The following KLHL20 variants were observed in gnomAD, a reference collection of about 807,000 sequenced individuals.
KLHL20 encodes the protein kelch-like protein 20.
In KLHL20, 29 loss-of-function variants were observed where a neutral mutation model predicts 69.5. The observed-to-expected ratio is 0.42, with a 90% CI of 0.31 to 0.57. KLHL20 has a LOEUF of 0.57. Among genes scored for constraint, KLHL20 ranks in the 20% least tolerant of loss-of-function variants. The pLI, the probability that KLHL20 is intolerant of heterozygous loss-of-function variation, is 0.18. For synonymous variants in KLHL20, 253 were observed against 265.2 expected (o/e 0.95, Z 0.45); for missense variants, 419 against 776.0 (o/e 0.54, Z 5.47).
rs1458110657 is a variant in KLHL20, at chr1:173,758,926, G to A, written c.1151+1767G>A. ...CCTGCATGCAGACTTCACCGGCAGG[G>A]GGAAAACTAAAGCCCTTTTCTCTTG... On this transcript the variant is annotated intron_variant, in intron 7 of 11. Transcript: ENST00000209884. Among the ~76,000 whole-genome samples, 3 of 152,192 alleles carry A rather than the reference G, an allele frequency of 2.0e-5. No homozygotes were observed. In the East Asian group the frequency reaches 5.8e-4, roughly 29 times the overall value.
intron 3 of KLHL20, among the ~76,000 whole-genome samples, chr1:173,738,960 T>C (rs1558192919): frequency 6.6e-6 from 1 of 152,190 alleles, no homozygotes; most frequent in African/African-American, 2.4e-5. Flanking sequence ...TTTTGTTTCT[T>C]TGTTATGTTC....
intron 2 of KLHL20, among the ~76,000 whole-genome samples, chr1:173,722,249 C>G (rs1192648840): frequency 1.3e-5 from 2 of 152,030 alleles, no homozygotes; most frequent in Non-Finnish European, 1.5e-5. Context: ...CCATGCCCAG[C>G]TAGCTTTTAC....
intron 6 of KLHL20, 46 bp from the exon 7 acceptor site, chr1:173,756,930 A>C (rs1439335630): frequency 6.4e-7 from 1 of 1,568,778 alleles, no homozygotes; most frequent in Non-Finnish European, 8.7e-7. Flanking sequence ...GTTACATTTT[A>C]TGCTTCAGGA....
chr1:173,773,189 C>T (rs2102529850), intron 8 of KLHL20, among the ~76,000 whole-genome samples: 1 of 151,688 alleles, frequency 6.6e-6, no homozygotes, highest in Non-Finnish European at 1.5e-5. Flanking sequence ...TGGTCTTGAA[C>T]TCGAACTTGT....
chr1:173,716,206 ATAT>A, intron 2 of KLHL20, 140 bp downstream of exon 2: 5 of 727,702 alleles, frequency 6.9e-6, no homozygotes, highest in Non-Finnish European at 1.1e-5. Flanking sequence ...ATCAAAAGTA[ATAT>A]TAAGAATTAA....
At chr1:173,783,169 TTG>T (rs1648981960) in intron 11 of KLHL20, among the ~76,000 whole-genome samples, 1 of 152,202 alleles carries the variant, frequency 6.6e-6, no homozygotes, top group African/African-American at 2.4e-5. Flanking sequence ...TCCAAGCAAT[TTG>T]GGGTTTCCTT....
chr1:173,780,584 C>T (rs919310192), intron 10 of KLHL20, among the ~76,000 whole-genome samples: 1 of 152,056 alleles, frequency 6.6e-6, no homozygotes, highest in Non-Finnish European at 1.5e-5. Flanking sequence ...TTGAGACCCG[C>T]GTGGGCAACA....
chr1:173,756,900 CA>C, intron 6 of KLHL20, 75 bp from the exon 7 acceptor site: 1 of 1,390,758 alleles, frequency 7.2e-7, no homozygotes, highest in South Asian at 1.3e-5. Flanking sequence ...CATTAGGTCA[CA>C]GTGAAGTTAG....
At chr1:173,756,864 T>C in intron 6 of KLHL20, 112 bp from the exon 7 acceptor site, 3 of 910,772 alleles carry the variant, frequency 3.3e-6, no homozygotes, top group Non-Finnish European at 5.0e-6. Context: ...TTTGACCTAC[T>C]ACTAGAGACA....
At chr1:173,763,378 A>G (rs1004045102) in intron 7 of KLHL20, among the ~76,000 whole-genome samples, 6 of 152,236 alleles carry the variant, frequency 3.9e-5, no homozygotes, top group African/African-American at 1.4e-4. Flanking sequence ...AGAATTAGAA[A>G]AAAACAATTA....
chr1:173,759,430 C>A (rs1673695282), intron 7 of KLHL20, among the ~76,000 whole-genome samples: 1 of 152,104 alleles, frequency 6.6e-6, no homozygotes, highest in Non-Finnish European at 1.5e-5. Context: ...CCAACCAACA[C>A]AAAAATAGGG....
At chr1:173,763,764 G>C (rs1034986921) in intron 7 of KLHL20, among the ~76,000 whole-genome samples, 9 of 150,910 alleles carry the variant, frequency 6.0e-5, no homozygotes, top group Non-Finnish European at 2.9e-5. Flanking sequence ...TTAAACCTAA[G>C]ACCTGAAACT....
rs534005353 is a variant in KLHL20, at chr1:173,715,167, G to A, written c.-42+89G>A. On this transcript the variant is annotated intron_variant, in intron 1 of 11. Coordinates refer to ENST00000209884, the MANE Select transcript of KLHL20 (RefSeq NM_014458.4). ...ATATGTGGTCCCAAGTTGCTGAGCTGCCCCATGGGGTCAGGTCGGTCGCCT... is the reference window on the plus strand; with the variant it reads ...ATATGTGGTCCCAAGTTGCTGAGCTACCCCATGGGGTCAGGTCGGTCGCCT... 2.6e-5 allele frequency: 4 copies of A among 152,520 alleles called. No individual in the cohort carries two copies. The East Asian group carries it at 7.7e-4, about 29-fold the overall frequency. 9.4% of individuals were successfully genotyped at this position (152,520 alleles called of 1,614,324 possible).
intron 2 of KLHL20, among the ~76,000 whole-genome samples, chr1:173,728,695 G>A (rs950758343): frequency 1.3e-5 from 2 of 152,102 alleles, no homozygotes; most frequent in Non-Finnish European, 2.9e-5. Flanking sequence ...TGAAACCAAC[G>A]AGAACAAAGA....
At chr1:173,777,279 G>C (rs751208328) in intron 10 of KLHL20, among the ~76,000 whole-genome samples, 1 of 152,170 alleles carries the variant, frequency 6.6e-6, no homozygotes, top group Non-Finnish European at 1.5e-5. Flanking sequence ...CAGCTCTGCT[G>C]AATTTGTTTA....
intron 7 of KLHL20, among the ~76,000 whole-genome samples, chr1:173,760,823 CACAAA>C (rs1274750509): frequency 1.3e-5 from 2 of 152,048 alleles, no homozygotes; most frequent in Non-Finnish European, 2.9e-5. Context: ...AAAGCAAAAA[CACAAA>C]ACAAAACCAA....
chr1:173,722,386 CT>C (rs1233888234), intron 2 of KLHL20, among the ~76,000 whole-genome samples: 1 of 151,974 alleles, frequency 6.6e-6, no homozygotes, highest in African/African-American at 2.4e-5. Context: ...CTTTGGGAGG[CT>C]GAGGCAGGAG....
chr1:173,739,529 G>A (rs1194992293), intron 3 of KLHL20, among the ~76,000 whole-genome samples: 6 of 151,636 alleles, frequency 4.0e-5, no homozygotes, highest in African/African-American at 1.5e-4. Flanking sequence ...TAGGAGGGTT[G>A]TATATTTTCA....
intron 2 of KLHL20, among the ~76,000 whole-genome samples, chr1:173,727,850 C>G (rs568868924): frequency 6.6e-6 from 1 of 152,180 alleles, no homozygotes; most frequent in African/African-American, 2.4e-5. Context: ...AACTAACGAG[C>G]AAAATAACCA....
Sources: gnomAD v4.1 joint callset for allele counts (sites outside exome capture counted in the v4.1 genomes callset) on GRCh38, gnomAD v4.1.1 for gene constraint, MANE v1.5 for transcripts, NCBI Gene and HGNC (gene_info 2026-07-23, HGNC 2026-07-21) for gene names.